The following ATP6V1E2 variants were observed in gnomAD, a reference collection of about 807,000 sequenced individuals.
ATP6V1E2 encodes the protein ATPase H+ transporting V1 subunit E2.
For missense variants in ATP6V1E2, 308 were observed against 273.3 expected (o/e 1.13, Z -0.90); for synonymous variants, 121 against 104.2 (o/e 1.16, Z -0.98).
chr2:46,513,551 C>T (rs948339842), intron 4 of ATP6V1E2, among the ~76,000 whole-genome samples: 5 of 152,162 alleles, frequency 3.3e-5, no homozygotes, highest in African/African-American at 9.6e-5. Context: ...TATGGCTGGG[C>T]GCAGTGGCTC....
intron 4 of ATP6V1E2, among the ~76,000 whole-genome samples, chr2:46,525,298 TA>T (rs1373706163): frequency 6.7e-6 from 1 of 150,260 alleles, no homozygotes; most frequent in Non-Finnish European, 1.5e-5. Context: ...CCGTCTCTAC[TA>T]AAAATTCAAA....
In ATP6V1E2 at chr2:46,518,758, T is replaced by TTGTGTGTGTGTGTG. The variant is rs70940621; in HGVS notation, c.-101-5960_-101-5947dup. Among the ~76,000 whole-genome samples the TTGTGTGTGTGTGTG allele has an allele frequency of 1.9e-3, 273 of 140,690 alleles. 5 individuals carry two copies. Among genetic ancestry groups the TTGTGTGTGTGTGTG allele is most frequent in the Admixed American group, 2.3e-3 (32 of 13,668 alleles). The allele number at this position is 140,690 out of a possible 152,430, so 92.3% of individuals were successfully genotyped here. The stretch of plus-strand genomic sequence containing the variant: ...TGCTCCTAAATAAGACAAGTCAATT[T>TTGTGTGTGTGTGTG]TGTGTGTGTGTGTGTGTGTGTGTGT... On this transcript the variant is annotated intron_variant, in intron 4 of 4. Transcript: ENST00000522587.
Position 46,512,740 on chromosome 2 carries a change from G to A in ATP6V1E2, c.-29C>T. ...TGCTCTCAGAGGGGACGGCAGAGAG[G>A]GAGCTCGTACACCGTTTGGCTCCTT... On this transcript the variant is annotated 5_prime_UTR_variant, in exon 5 of 5. Transcript: ENST00000522587. 2 of 1,581,144 alleles carry A rather than the reference G, an allele frequency of 1.3e-6. No homozygotes were observed. The highest frequency in any genetic ancestry group is 1.2e-5 in the South Asian group (1 of 86,504).
At chr2:46,520,224 T>G (rs904888010) in intron 4 of ATP6V1E2, among the ~76,000 whole-genome samples, 1 of 152,170 alleles carries the variant, frequency 6.6e-6, no homozygotes, top group Non-Finnish European at 1.5e-5. Flanking sequence ...ATTGAGCAAG[T>G]CCCTCTGCAG....
chr2:46,541,009 A>G (rs955782787), intron 2 of ATP6V1E2, among the ~76,000 whole-genome samples: 2 of 152,160 alleles, frequency 1.3e-5, no homozygotes, highest in Admixed American at 1.3e-4. Flanking sequence ...GCTCAAGGTA[A>G]CACTGCTAAC....
chr2:46,529,585 T>A (rs1667084310), intron 4 of ATP6V1E2, among the ~76,000 whole-genome samples: 1 of 152,118 alleles, frequency 6.6e-6, no homozygotes, highest in Non-Finnish European at 1.5e-5. Flanking sequence ...CAAGACCCCA[T>A]CTCTACAAAA....
chr2:46,515,711 C>T (rs1276556462), intron 4 of ATP6V1E2, among the ~76,000 whole-genome samples: 1 of 152,068 alleles, frequency 6.6e-6, no homozygotes, highest in Non-Finnish European at 1.5e-5. Context: ...ATTAAATGTT[C>T]CAATGAAAAG....
intron 4 of ATP6V1E2, among the ~76,000 whole-genome samples, chr2:46,524,514 C>T (rs1666795143): frequency 6.6e-6 from 1 of 152,136 alleles, no homozygotes; most frequent in Non-Finnish European, 1.5e-5. Flanking sequence ...TTAAGCAATG[C>T]CTTGTGGTTT....
At chr2:46,537,601 A>G (rs1205911618) in intron 2 of ATP6V1E2, 1 of 152,162 alleles carries the variant, frequency 6.6e-6, no homozygotes, top group African/African-American at 2.4e-5. Flanking sequence ...GAAAAAAAAA[A>G]AAAGAGTTCT....
At chr2:46,520,879 C>G (rs1277889425) in intron 4 of ATP6V1E2, among the ~76,000 whole-genome samples, 8 of 150,432 alleles carry the variant, frequency 5.3e-5, no homozygotes, top group African/African-American at 1.7e-4. Flanking sequence ...TTGCCTTTTT[C>G]AAAATTATGA....
rs370896721 is a variant in ATP6V1E2 at position 46,512,255 on chromosome 2, G to T, written c.457C>A (p.Pro153Thr). ...TTCTGGGAAATTGTCATGTACTCGGGGATGGCTTTTTGTACAGCAGCCTCC... is the reference window on the plus strand; with the variant it reads ...TTCTGGGAAATTGTCATGTACTCGGTGATGGCTTTTTGTACAGCAGCCTCC... ...LVEAAVQKAI[P>T]EYMTISQKHV... Residue 153 changes from proline (P) to threonine (T), a missense_variant, in exon 5 of 5, where the codon CCC becomes ACC. Pro to Thr is a conservative substitution (Grantham distance 38). Coordinates refer to ENST00000522587, the MANE Select transcript of ATP6V1E2 (RefSeq NM_001318063.2). 9.5e-5 allele frequency: 154 copies of T among 1,613,532 alleles called. 2 individuals are homozygous for T. The South Asian group carries it at 1.5e-3, about 16-fold the overall frequency.
At chr2:46,532,857 T>C (rs977313272) in intron 4 of ATP6V1E2, among the ~76,000 whole-genome samples, 5 of 152,160 alleles carry the variant, frequency 3.3e-5, no homozygotes, top group Admixed American at 2.0e-4. Flanking sequence ...CTATGGTAGA[T>C]TGCTATGACA....
At chr2:46,533,080 T>G in intron 4 of ATP6V1E2, among the ~76,000 whole-genome samples, 1 of 84,554 alleles carries the variant, frequency 1.2e-5, no homozygotes, top group East Asian at 2.4e-4. Flanking sequence ...TAATTATATA[T>G]ATATATCTAA....
intron 2 of ATP6V1E2, among the ~76,000 whole-genome samples, chr2:46,540,143 T>C (rs927911361): frequency 6.6e-6 from 1 of 152,182 alleles, no homozygotes; most frequent in Non-Finnish European, 1.5e-5. Flanking sequence ...TTCACTGTTC[T>C]CAGCCAGATG....
chr2:46,535,681 C>G lies in ATP6V1E2; in HGVS notation c.-102+132G>C, dbSNP rs1209130098. 6.6e-6 allele frequency: 1 copy of G among 152,244 alleles called. No individual in the cohort carries two copies. Among genetic ancestry groups the G allele is most frequent in the African/African-American group, 2.4e-5 (1 of 41,446 alleles). The allele number at this position is 152,244 out of a possible 1,614,324, so 9.4% of individuals were successfully genotyped here. ...AACTGTGTACCCACCACTAAAGCTG[C>G]AGCCTCCAGAGACAATGTGCCCTGT... On this transcript the variant is annotated intron_variant, in intron 4 of 4. Coordinates refer to ENST00000522587, the MANE Select transcript of ATP6V1E2 (RefSeq NM_001318063.2). This position sits in a 1 kb window ranked among gnomAD's most constrained non-coding sequence, Gnocchi z 4.4.
chr2:46,538,171 A>T (rs1412195169), intron 2 of ATP6V1E2, among the ~76,000 whole-genome samples: 1 of 152,030 alleles, frequency 6.6e-6, no homozygotes, highest in African/African-American at 2.4e-5. Context: ...GACTGTTGTG[A>T]TCTGTCTCCT....
intron 4 of ATP6V1E2, among the ~76,000 whole-genome samples, chr2:46,520,304 C>T (rs1666549739): frequency 6.6e-6 from 1 of 152,226 alleles, no homozygotes; most frequent in African/African-American, 2.4e-5. Flanking sequence ...AGATTATGAG[C>T]CCACATGGGC....
At chr2:46,529,169 G>A (rs1667065231) in intron 4 of ATP6V1E2, among the ~76,000 whole-genome samples, 1 of 152,216 alleles carries the variant, frequency 6.6e-6, no homozygotes, top group African/African-American at 2.4e-5. Context: ...CAGAAGCAGT[G>A]TCTACTAGTC....
intron 4 of ATP6V1E2, among the ~76,000 whole-genome samples, chr2:46,533,017 A>G (rs1037997344): frequency 1.3e-5 from 2 of 151,600 alleles, no homozygotes; most frequent in African/African-American, 4.8e-5. Context: ...TAAACCATGT[A>G]ATATACTGCT....
Sources: allele counts gnomAD v4.1 joint callset (sites outside exome capture counted in the v4.1 genomes callset), GRCh38; gene constraint gnomAD v4.1.1; non-coding constraint Gnocchi (gnomAD v3.1); transcripts MANE v1.5; gene names NCBI Gene and HGNC (gene_info 2026-07-23, HGNC 2026-07-21).